DOCK4: variants seen among roughly 807,000 people sequenced by gnomAD.
The protein encoded by DOCK4 is dedicator of cytokinesis 4, also known as dedicator of cytokinesis protein 4.
A neutral mutation model predicts 268.1 loss-of-function variants in DOCK4; 97 were observed. The ratio of observed to expected loss-of-function variants is 0.36; its 90% CI spans 0.31 to 0.43. DOCK4 has a LOEUF of 0.43. DOCK4 is among the 20% of genes least tolerant of loss of function. DOCK4 has a pLI of 1.00. For synonymous variants in DOCK4, 954 were observed against 887.2 expected, an observed-to-expected ratio of 1.08 and a Z score of -1.34; for missense variants, 2,145 against 2,455.7, an observed-to-expected ratio of 0.87 and a Z score of 2.67.
At chr7:112,080,560 C>T (rs1424850805) in intron 1 of DOCK4, among the ~76,000 whole-genome samples, 1 of 152,150 alleles carries the variant, frequency 6.6e-6, no homozygotes, top group Non-Finnish European at 1.5e-5. Context: ...TCTCAGATTT[C>T]CTGTGCCAGC....
intron 26 of DOCK4, among the ~76,000 whole-genome samples, chr7:111,828,936 C>T (rs1227006677): frequency 1.3e-5 from 2 of 150,568 alleles, no homozygotes; most frequent in Non-Finnish European, 3.0e-5. Flanking sequence ...AAATCATCTA[C>T]AAGGTTACAC....
At chr7:112,125,345 A>G (rs1212159219) in intron 1 of DOCK4, among the ~76,000 whole-genome samples, 1 of 152,160 alleles carries the variant, frequency 6.6e-6, no homozygotes, top group Non-Finnish European at 1.5e-5. Context: ...TATCAAAATT[A>G]TTCAGAGTCT....
chr7:111,952,017 G>A (rs1351698553), intron 8 of DOCK4, among the ~76,000 whole-genome samples: 3 of 151,898 alleles, frequency 2.0e-5, no homozygotes, highest in Non-Finnish European at 4.4e-5. Flanking sequence ...CAGCTACTCA[G>A]GAGGTTGAGG....
intron 30 of DOCK4, among the ~76,000 whole-genome samples, chr7:111,798,474 T>A (rs530511858): frequency 4.0e-4 from 61 of 152,248 alleles, no homozygotes; most frequent in Non-Finnish European, 7.3e-4. Flanking sequence ...GAAGAAACTC[T>A]AATCCAATAT....
rs1030482553 is a variant in DOCK4, at chr7:111,859,150, C to A, written c.2473+4222G>T. ...CCTCCCACCTCAGCCTGCTGAGTAGCGGGGACCACAGGTATGCACCACCAC... is the reference window on the plus strand; with the variant it reads ...CCTCCCACCTCAGCCTGCTGAGTAGAGGGGACCACAGGTATGCACCACCAC... On this transcript the variant is annotated intron_variant, in intron 23 of 52. Transcript: ENST00000428084. Among the ~76,000 whole-genome samples the A allele has an allele frequency of 2.0e-5, 3 of 152,090 alleles. No individual in the cohort carries two copies. The South Asian group carries it at 6.2e-4, about 32-fold the overall frequency.
chr7:111,905,911 T>C (rs1428683052), intron 13 of DOCK4, among the ~76,000 whole-genome samples: 1 of 152,192 alleles, frequency 6.6e-6, no homozygotes, highest in Non-Finnish European at 1.5e-5. Context: ...AGCAGTACAC[T>C]TTATTGAGTA....
intron 20 of DOCK4, among the ~76,000 whole-genome samples, chr7:111,871,199 A>T (rs1214228609): frequency 6.6e-6 from 1 of 152,208 alleles, no homozygotes; most frequent in Non-Finnish European, 1.5e-5. Context: ...GTGCATGCCC[A>T]CAGGTGCTTA....
chr7:112,049,950 AG>A (rs1423286126), intron 1 of DOCK4, among the ~76,000 whole-genome samples: 1 of 152,198 alleles, frequency 6.6e-6, no homozygotes, highest in Non-Finnish European at 1.5e-5. Flanking sequence ...TTTGTGACCC[AG>A]GGCACATGGA....
chr7:111,809,845 C>A (rs1253713804), intron 28 of DOCK4, among the ~76,000 whole-genome samples: 1 of 152,128 alleles, frequency 6.6e-6, no homozygotes, highest in East Asian at 1.9e-4. Context: ...GTAAAAAATG[C>A]ATACACTTCT....
intron 31 of DOCK4, among the ~76,000 whole-genome samples, chr7:111,789,463 C>T (rs900705158): frequency 6.6e-6 from 1 of 152,088 alleles, no homozygotes; most frequent in African/African-American, 2.4e-5. Context: ...AGAGTTAAAA[C>T]GATTAGGGAC....
chr7:111,858,768 C>T (rs968728237), intron 23 of DOCK4, among the ~76,000 whole-genome samples: 9 of 151,750 alleles, frequency 5.9e-5, no homozygotes, highest in African/African-American at 1.2e-4. Context: ...CCTTTCCTTC[C>T]GTCTTTCCTC....
At position 112,088,570 on chromosome 7, in the gene DOCK4, GT is replaced by G. The variant is rs545981523; in HGVS notation, c.38-84440del. ...ATTAAAGCAGCCAGTATGACCTCTTGTTTTTTTTCTATTAGTACTATGGGAA... is the reference window on the plus strand; with the variant it reads ...ATTAAAGCAGCCAGTATGACCTCTTGTTTTTTTCTATTAGTACTATGGGAA... On this transcript the variant is annotated intron_variant, in intron 1 of 52. Transcript: ENST00000428084. Among the ~76,000 whole-genome samples the G allele has an allele frequency of 5.9e-3, 899 of 151,976 alleles. 4 individuals are homozygous for G. The highest frequency in any genetic ancestry group is 0.02 in the African/African-American group (829 of 41,456).
chr7:111,847,475 T>G (rs754178067), intron 23 of DOCK4, among the ~76,000 whole-genome samples: 2 of 121,934 alleles, frequency 1.6e-5, no homozygotes, highest in South Asian at 2.6e-4. Context: ...GACTTGGTTG[T>G]TTTTTTTTTT....
chr7:112,043,857 CTT>C (rs1402064794), intron 1 of DOCK4, among the ~76,000 whole-genome samples: 2 of 151,976 alleles, frequency 1.3e-5, no homozygotes, highest in Non-Finnish European at 2.9e-5. Flanking sequence ...AATTGGAAGA[CTT>C]TATTATTTTG....
chr7:111,773,514 C>T (rs1273073867), intron 36 of DOCK4, among the ~76,000 whole-genome samples: 3 of 152,234 alleles, frequency 2.0e-5, no homozygotes, highest in South Asian at 4.1e-4. Context: ...CACTTACCTC[C>T]CGCATTTCTC....
rs992719553 is a variant in DOCK4, at chr7:112,180,019, A to C, written c.37+26083T>G. Among the ~76,000 whole-genome samples the C allele has an allele frequency of 5.3e-5, 8 of 152,326 alleles. No individual in the cohort carries two copies. In the East Asian group the frequency reaches 9.6e-4, roughly 18 times the overall value. On this transcript the variant is annotated intron_variant, in intron 1 of 52. Coordinates refer to ENST00000428084, the MANE Select transcript of DOCK4 (RefSeq NM_001363540.2). ...CAGTTTCTTATTCTGCCGGATACTA[A>C]GTCCAAAAGTCTAAAGTAGAACATA...
chr7:111,739,660 A>G, intron 47 of DOCK4, 183 bp from the exon 48 acceptor site: 1 of 600,272 alleles, frequency 1.7e-6, no homozygotes, highest in Non-Finnish European at 2.9e-6. Flanking sequence ...AAAGTCTGAG[A>G]TTTTGACTCC....
chr7:111,991,961 C>CAAAAAAAAAAAAAAAAAAAA (rs60667093), intron 5 of DOCK4, among the ~76,000 whole-genome samples: 3 of 50,916 alleles, frequency 5.9e-5, no homozygotes, highest in East Asian at 7.3e-4. Flanking sequence ...ACTCTGTCTC[C>CAAAAAAAAAAAAAAAAAAAA]AAAAAAAAAA....
intron 13 of DOCK4, among the ~76,000 whole-genome samples, chr7:111,914,365 T>C (rs1792404811): frequency 6.6e-6 from 1 of 152,184 alleles, no homozygotes; most frequent in African/African-American, 2.4e-5. Context: ...AGTGATCCTG[T>C]GGCAATGTAA....
Sources: allele counts gnomAD v4.1 joint callset (sites outside exome capture counted in the v4.1 genomes callset), GRCh38; gene constraint gnomAD v4.1.1; transcripts MANE v1.5; gene names NCBI Gene and HGNC (gene_info 2026-07-23, HGNC 2026-07-21).